Variants in ARHGAP28 observed in about 807,000 individuals in gnomAD.
ARHGAP28 encodes the protein Rho GTPase activating protein 28, also known as rho GTPase-activating protein 28.
In ARHGAP28, 56 loss-of-function variants were observed where a neutral mutation model predicts 90.7. The observed-to-expected ratio is 0.62, with a 90% CI of 0.50 to 0.77. The LOEUF is 0.77. ARHGAP28 is among the 30% of genes least tolerant of loss of function. The pLI, the probability that ARHGAP28 is intolerant of heterozygous loss-of-function variation, is 0.00. For missense variants in ARHGAP28, 869 were observed against 900.9 expected (o/e 0.96, Z 0.45); for synonymous variants, 308 against 323.3 (o/e 0.95, Z 0.51).
At chr18:6,823,560 A>C (rs1209509247) in intron 1 of ARHGAP28, among the ~76,000 whole-genome samples, 1 of 150,114 alleles carries the variant, frequency 6.7e-6, no homozygotes, top group Non-Finnish European at 1.5e-5. Context: ...TTTTGAGTAT[A>C]TACCCAGAAG....
intron 1 of ARHGAP28, among the ~76,000 whole-genome samples, chr18:6,763,754 G>A (rs1394574021): frequency 2.0e-5 from 3 of 152,258 alleles, no homozygotes; most frequent in East Asian, 3.9e-4. Context: ...CAGTAGTCTC[G>A]CCTGGCCCAT....
At chr18:6,827,732 T>C (rs2056682404) in intron 2 of ARHGAP28, among the ~76,000 whole-genome samples, 1 of 148,740 alleles carries the variant, frequency 6.7e-6, no homozygotes, top group African/African-American at 2.5e-5. Flanking sequence ...GTGGAGGGGC[T>C]CCTCATTTCT....
chr18:6,732,172 T>C (rs1816688457), intron 1 of ARHGAP28, among the ~76,000 whole-genome samples: 4 of 152,186 alleles, frequency 2.6e-5, no homozygotes, highest in Non-Finnish European at 2.9e-5. Context: ...TTTTTTCCAC[T>C]ATTATATCCC....
At chr18:6,815,632 G>A (rs1003244510) in intron 1 of ARHGAP28, among the ~76,000 whole-genome samples, 2 of 152,054 alleles carry the variant, frequency 1.3e-5, no homozygotes, top group Non-Finnish European at 2.9e-5. Context: ...CAAAGATGGG[G>A]AAATTTAAGA....
Position 6,875,768 on chromosome 18 carries a change from AT to A in ARHGAP28, c.1213-360del, listed in dbSNP as rs796641427. Among the ~76,000 whole-genome samples, 37 of 152,342 alleles carry A rather than the reference AT, an allele frequency of 2.4e-4. 1 individual carries two copies. The highest frequency in any genetic ancestry group is 8.9e-4 in the African/African-American group (37 of 41,576). ...GAGTGATTGCAACCAATGACAGTAG[AT>A]TTAGAATCTCTTGTTACTGATCAGT... On this transcript the variant is annotated intron_variant, in intron 9 of 17. Transcript: ENST00000383472.
intron 1 of ARHGAP28, among the ~76,000 whole-genome samples, chr18:6,731,605 G>A (rs986968416): frequency 1.3e-4 from 19 of 151,928 alleles, no homozygotes; most frequent in African/African-American, 4.4e-4. Context: ...TTTGGTGACT[G>A]CCCTGCACTC....
intron 5 of ARHGAP28, among the ~76,000 whole-genome samples, chr18:6,867,520 G>A (rs2057046522): frequency 6.6e-6 from 1 of 152,094 alleles, no homozygotes; most frequent in Non-Finnish European, 1.5e-5. Flanking sequence ...TGCTTCACAG[G>A]CCTTTACCAG....
At chr18:6,759,941 C>T (rs2056145051) in intron 1 of ARHGAP28, among the ~76,000 whole-genome samples, 1 of 152,130 alleles carries the variant, frequency 6.6e-6, no homozygotes, top group African/African-American at 2.4e-5. Flanking sequence ...TAATTGTTGG[C>T]TATTTTCTTG....
At position 6,781,823 on chromosome 18, in the gene ARHGAP28, A is replaced by T. The variant is rs1006915382; in HGVS notation, c.123-42939A>T. Among the ~76,000 whole-genome samples, 5 of 152,290 alleles carry T rather than the reference A, an allele frequency of 3.3e-5. No homozygotes were observed. In the South Asian group the frequency reaches 1.0e-3, roughly 32 times the overall value. On this transcript the variant is annotated intron_variant, in intron 1 of 17. Transcript: ENST00000383472. Reference sequence around the variant, plus strand: ...GGTGGTAAAAAAAACTTGTTTTGCCAGTTGATATCTCTTTTCAAAACTATT... The same window carrying T: ...GGTGGTAAAAAAAACTTGTTTTGCCTGTTGATATCTCTTTTCAAAACTATT...
chr18:6,735,738 G>T (rs2055921102), intron 1 of ARHGAP28, among the ~76,000 whole-genome samples: 3 of 151,858 alleles, frequency 2.0e-5, no homozygotes, highest in Non-Finnish European at 4.4e-5. Context: ...TATTTTTTGT[G>T]GAGATGGAGT....
chr18:6,888,042 C>G (rs1288425275), intron 12 of ARHGAP28, among the ~76,000 whole-genome samples: 2 of 152,074 alleles, frequency 1.3e-5, no homozygotes, highest in Non-Finnish European at 1.5e-5. Context: ...GAAAATAATT[C>G]AATTTAAATA....
intron 1 of ARHGAP28, among the ~76,000 whole-genome samples, chr18:6,792,482 T>TTTC (rs1439680415): frequency 6.6e-6 from 1 of 152,254 alleles, no homozygotes; most frequent in Non-Finnish European, 1.5e-5. Context: ...AGGACAGTTC[T>TTTC]TTCTTATGCA....
chr18:6,789,518 T>G (rs1285219989), intron 1 of ARHGAP28: 1 of 152,158 alleles, frequency 6.6e-6, no homozygotes, highest in Non-Finnish European at 1.5e-5. Context: ...GAAGTTGCAG[T>G]GAGCTGAGAT....
chr18:6,912,070 C>A lies in ARHGAP28; in HGVS notation c.2106C>A (p.Cys702Ter). The A allele has an allele frequency of 6.2e-7, 1 of 1,601,690 alleles. No individual in the cohort carries two copies. Among genetic ancestry groups the A allele is most frequent in the Non-Finnish European group, 8.5e-7 (1 of 1,171,922 alleles). ...TTCTCTTTCTTTTAGGAGAGCATTGCTTGGATCCAGATGCTTATATATTGG... is the reference window on the plus strand; with the variant it reads ...TTCTCTTTCTTTTAGGAGAGCATTGATTGGATCCAGATGCTTATATATTGG... ...YEIGGNIGEH[C>*]LDPDAYILDV... is the part of the protein sequence containing the mutation. Residue 702 changes from cysteine (C) to a stop codon, truncating the protein, a stop_gained, in exon 18 of 18, where the codon TGC becomes TGA. Transcript: ENST00000383472. LOFTEE classifies it high-confidence loss of function.
intron 5 of ARHGAP28, among the ~76,000 whole-genome samples, chr18:6,864,339 C>T (rs982019330): frequency 6.6e-6 from 1 of 152,216 alleles, no homozygotes; most frequent in African/African-American, 2.4e-5. Context: ...GCTGGGATTA[C>T]AGGCATGAGC....
intron 7 of ARHGAP28, among the ~76,000 whole-genome samples, chr18:6,871,682 G>C (rs576082535): frequency 6.6e-6 from 1 of 152,078 alleles, no homozygotes; most frequent in African/African-American, 2.4e-5. Context: ...TGCTGATTAC[G>C]GTTGGATGCT....
intron 1 of ARHGAP28, among the ~76,000 whole-genome samples, chr18:6,756,836 T>C: frequency 6.6e-6 from 1 of 152,100 alleles, no homozygotes; most frequent in East Asian, 1.9e-4. Flanking sequence ...GCAGGAAGCA[T>C]CCAGCATGGG....
intron 2 of ARHGAP28, among the ~76,000 whole-genome samples, chr18:6,826,443 T>TA (rs2056663681): frequency 6.6e-6 from 1 of 152,016 alleles, no homozygotes; most frequent in Non-Finnish European, 1.5e-5. Flanking sequence ...TTTACTCTGT[T>TA]AATGGTTTCT....
chr18:6,835,078 T>C (rs1042444445), intron 2 of ARHGAP28, among the ~76,000 whole-genome samples: 2 of 152,142 alleles, frequency 1.3e-5, no homozygotes, highest in African/African-American at 4.8e-5. Context: ...GGAGTAATAC[T>C]GGTATCTGCC....
Sources: allele counts gnomAD v4.1 joint callset (sites outside exome capture counted in the v4.1 genomes callset), GRCh38; gene constraint gnomAD v4.1.1; transcripts MANE v1.5; gene names NCBI Gene and HGNC (gene_info 2026-07-23, HGNC 2026-07-21).